Variants in VPS16 observed in about 807,000 individuals in gnomAD.
VPS16 encodes vacuolar protein sorting-associated protein 16 homolog.
A neutral mutation model predicts 116.0 loss-of-function variants in VPS16; 82 were observed. The observed-to-expected ratio is 0.71, with a 90% CI of 0.59 to 0.85. The LOEUF is 0.85. Among genes scored for constraint, VPS16 ranks in the 40% least tolerant of loss-of-function variants. The probability of loss-of-function intolerance (pLI) is 0.00; values close to 1 mark genes in which losing one functional copy is unlikely to be tolerated. For missense variants in VPS16, 928 were observed against 1,090.6 expected (o/e 0.85, Z 2.10); for synonymous variants, 406 against 420.7 (o/e 0.96, Z 0.43).
intron 22 of VPS16, 85 bp from the exon 23 acceptor site, chr20:2,866,127 G>A: frequency 1.7e-6 from 2 of 1,143,854 alleles, no homozygotes; most frequent in Non-Finnish European, 2.6e-6. Flanking sequence ...TATGGACGAT[G>A]TATGCATTGC....
chr20:2,854,956 A>G lies in VPS16; in HGVS notation c.54-4763A>G, dbSNP rs1200830035. Among the ~76,000 whole-genome samples, 3 of 100,224 alleles carry G rather than the reference A, an allele frequency of 3.0e-5. No homozygotes were observed. In the South Asian group the frequency reaches 1.1e-3, roughly 36 times the overall value. 65.8% of individuals were successfully genotyped at this position (100,224 alleles called of 152,430 possible). On this transcript the variant is annotated intron_variant, in intron 1 of 23. Transcript: ENST00000380445. ...GGGACCAGATACGTTGTCAATGAGC[A>G]GTAATTTTTTTTTTTTTTTTTTGAG...
chr20:2,865,559 G>A lies in VPS16; in HGVS notation c.2271+64G>A, dbSNP rs780994851. On this transcript the variant is annotated intron_variant, in intron 22 of 23. Coordinates refer to ENST00000380445, the MANE Select transcript of VPS16 (RefSeq NM_022575.4). This position sits in a 1 kb window ranked among gnomAD's most constrained non-coding sequence, Gnocchi z 5.2. Reference sequence around the variant, plus strand: ...GGTAGTCTTCGGGAGAGAGGGCTAGGCAGGGAGACAGATAGGATGGCCCGT... The same window carrying A: ...GGTAGTCTTCGGGAGAGAGGGCTAGACAGGGAGACAGATAGGATGGCCCGT... 1 of 1,480,696 alleles carries A rather than the reference G, an allele frequency of 6.8e-7. No homozygotes were observed. The allele number at this position is 1,480,696 out of a possible 1,614,324, so 91.7% of individuals were successfully genotyped here.
At chr20:2,845,432 C>T (rs1205212893) in intron 1 of VPS16, among the ~76,000 whole-genome samples, 1 of 151,916 alleles carries the variant, frequency 6.6e-6, no homozygotes. Flanking sequence ...ACATTATATA[C>T]TCCTGAAATT....
chr20:2,843,615 A>G (rs2089031300), intron 1 of VPS16, among the ~76,000 whole-genome samples: 1 of 152,176 alleles, frequency 6.6e-6, no homozygotes, highest in Admixed American at 6.5e-5. Flanking sequence ...TACAACATTC[A>G]CTTTTAAAAT....
chr20:2,862,752 G>A (rs199966117), intron 12 of VPS16, 42 bp downstream of exon 12: 7 of 1,611,104 alleles, frequency 4.3e-6, no homozygotes, highest in Non-Finnish European at 5.9e-6. Context: ...GGGCTGGGAG[G>A]GGGTGGGATG....
In VPS16 at chr20:2,863,561, G is replaced by A. The variant is rs1468672810; in HGVS notation, c.1476+163G>A. Among the ~76,000 whole-genome samples, 9 of 152,094 alleles carry A rather than the reference G, an allele frequency of 5.9e-5. No homozygotes were observed. Among genetic ancestry groups the A allele is most frequent in the Admixed American group, 2.0e-4 (3 of 15,274 alleles). On this transcript the variant is annotated intron_variant, in intron 15 of 23. Transcript: ENST00000380445. This position sits in a 1 kb window ranked among gnomAD's most constrained non-coding sequence, Gnocchi z 4.4. ...GCGAATCACCTGAGGTCAGGTATTC[G>A]AGACTAGCCTGGCTAACATGGTGAA...
At chr20:2,857,133 A>G (rs1320718636) in intron 1 of VPS16, among the ~76,000 whole-genome samples, 1 of 152,070 alleles carries the variant, frequency 6.6e-6, no homozygotes, top group Non-Finnish European at 1.5e-5. Context: ...ATGCGCCACC[A>G]TGCCCAGCTA....
At chr20:2,841,505 T>C (rs944564510) in intron 1 of VPS16, among the ~76,000 whole-genome samples, 1 of 152,206 alleles carries the variant, frequency 6.6e-6, no homozygotes, top group Admixed American at 6.6e-5. Flanking sequence ...CTGCGCAGAA[T>C]TACAAGGCCC....
At position 2,860,938 on chromosome 20, in the gene VPS16, T is replaced by C; in HGVS notation, c.631-32T>C. On this transcript the variant is annotated intron_variant, in intron 6 of 23. Transcript: ENST00000380445. This position sits in a 1 kb window ranked among gnomAD's most constrained non-coding sequence, Gnocchi z 6.1. ...GGAGGTTCTGAAAAGTCAGTATGTATCTGTCCCACCCCTACCCTGGCTCTG... is the reference window on the plus strand; with the variant it reads ...GGAGGTTCTGAAAAGTCAGTATGTACCTGTCCCACCCCTACCCTGGCTCTG... 1 of 1,614,032 alleles carries C rather than the reference T, an allele frequency of 6.2e-7. No homozygotes were observed. The highest frequency in any genetic ancestry group is 8.5e-7 in the Non-Finnish European group (1 of 1,180,016).
intron 1 of VPS16, among the ~76,000 whole-genome samples, chr20:2,852,991 T>C (rs1446621609): frequency 6.6e-6 from 1 of 152,184 alleles, no homozygotes; most frequent in African/African-American, 2.4e-5. Context: ...AAAATTGGAG[T>C]TAATCCTTTC....
rs2089304687 is a variant in VPS16 at position 2,864,956 on chromosome 20, G to C, written c.1927-22G>C. ...AGGGTCCTGCATGCTGTGAGTTCAG[G>C]CCTTCCTTCTTGTCTTTATAGCGTA... On this transcript the variant is annotated intron_variant, in intron 19 of 23. Coordinates refer to ENST00000380445, the MANE Select transcript of VPS16 (RefSeq NM_022575.4). This position sits in a 1 kb window ranked among gnomAD's most constrained non-coding sequence, Gnocchi z 5.2. The C allele has an allele frequency of 1.9e-6, 3 of 1,614,086 alleles. No individual in the cohort carries two copies. The East Asian group carries it at 6.7e-5, about 36-fold the overall frequency.
In VPS16 at chr20:2,862,884, G is replaced by T; in HGVS notation, c.1281G>T (p.Val427=). 6.2e-7 allele frequency: 1 copy of T among 1,614,110 alleles called. No homozygotes were observed. The highest frequency in any genetic ancestry group is 8.5e-7 in the Non-Finnish European group (1 of 1,180,012). ...SFVHMCQDLR[V]LNAVRDYHIG... The stretch of plus-strand genomic sequence containing the variant: ...TGCACATGTGTCAGGACCTGCGTGT[G>T]CTCAATGCTGTTCGGGACTATCACA... Residue 427 remains valine, a synonymous_variant, in exon 13 of 24, where the codon GTG becomes GTT. Transcript: ENST00000380445.
In VPS16 at chr20:2,862,935, G is replaced by C; in HGVS notation, c.1331+1G>C. On this transcript the variant is annotated splice_donor_variant, in intron 13 of 23. Transcript: ENST00000380445. LOFTEE classifies it high-confidence loss of function. ...TCGGGATCCCGCTCACCTATAGCCAGTATCCCTGTGCACGCCAGAAGGGTA... is the reference window on the plus strand; with the variant it reads ...TCGGGATCCCGCTCACCTATAGCCACTATCCCTGTGCACGCCAGAAGGGTA... The C allele has an allele frequency of 6.2e-7, 1 of 1,613,866 alleles. No homozygotes were observed. Among genetic ancestry groups the C allele is most frequent in the Non-Finnish European group, 8.5e-7 (1 of 1,179,842 alleles).
Position 2,863,218 on chromosome 20 carries a change from C to T in VPS16, c.1368-72C>T. 6.2e-7 allele frequency: 1 copy of T among 1,608,736 alleles called. No homozygotes were observed. Among genetic ancestry groups the T allele is most frequent in the Non-Finnish European group, 8.5e-7 (1 of 1,175,482 alleles). On this transcript the variant is annotated intron_variant, in intron 14 of 23. Transcript: ENST00000380445. The surrounding 1 kb of genome is among the most constrained non-coding windows in gnomAD (Gnocchi z 4.4). ...TCTAGGATGTGGGAGGCCTGATGTG[C>T]AGGCTGAGGCCACTCTGCTCCCTTT...
chr20:2,865,491 A>C lies in VPS16; in HGVS notation c.2267A>C (p.Tyr756Ser). Residue 756 changes from tyrosine to serine, a missense_variant, in exon 22 of 24, where the codon TAC (tyrosine) becomes TCC (serine). Physicochemically the swap from Tyr to Ser is moderately radical, Grantham distance 144. Coordinates refer to ENST00000380445, the MANE Select transcript of VPS16 (RefSeq NM_022575.4). This position sits in a 1 kb window ranked among gnomAD's most constrained non-coding sequence, Gnocchi z 5.2. ...FSKSKKSPIGYLPFVEICMKQ... is the reference protein window; with the variant it reads ...FSKSKKSPIGSLPFVEICMKQ... ...AAGAGCAAGAAATCACCCATTGGCTACCTGGTGAGGCAGGGTCCTCCCTCC... is the reference window on the plus strand; with the variant it reads ...AAGAGCAAGAAATCACCCATTGGCTCCCTGGTGAGGCAGGGTCCTCCCTCC... 3 of 1,613,608 alleles carry C rather than the reference A, an allele frequency of 1.9e-6. No homozygotes were observed. Among genetic ancestry groups the C allele is most frequent in the Non-Finnish European group, 2.5e-6 (3 of 1,179,772 alleles).
chr20:2,854,520 G>A (rs539069725), intron 1 of VPS16, among the ~76,000 whole-genome samples: 28 of 151,886 alleles, frequency 1.8e-4, no homozygotes, highest in African/African-American at 5.8e-4. Flanking sequence ...GAGGCCGGGC[G>A]TGGTGGCTCA....
chr20:2,851,667 A>C (rs1209784783), intron 1 of VPS16, among the ~76,000 whole-genome samples: 2 of 151,052 alleles, frequency 1.3e-5, no homozygotes, highest in African/African-American at 4.9e-5. Flanking sequence ...CGTCTCAAAA[A>C]AAAAAAACAA....
At position 2,864,331 on chromosome 20, in the gene VPS16, G is replaced by T; in HGVS notation, c.1721-34G>T. The T allele has an allele frequency of 6.2e-7, 1 of 1,614,062 alleles. No homozygotes were observed. Among genetic ancestry groups the T allele is most frequent in the African/African-American group, 1.3e-5 (1 of 75,006 alleles). On this transcript the variant is annotated intron_variant, in intron 17 of 23. Coordinates refer to ENST00000380445, the MANE Select transcript of VPS16 (RefSeq NM_022575.4). The surrounding 1 kb of genome is among the most constrained non-coding windows in gnomAD (Gnocchi z 5.2). ...GGCCCCTGGGCTAAGTGGGAGCCTG[G>T]CTGGAATTCCCACTCCACCTTACTC...
chr20:2,844,299 G>A (rs2089037598), intron 1 of VPS16, among the ~76,000 whole-genome samples: 1 of 152,210 alleles, frequency 6.6e-6, no homozygotes, highest in African/African-American at 2.4e-5. Context: ...GATAAAACAG[G>A]TGGCAGACAT....
Sources: gnomAD v4.1 joint callset for allele counts (sites outside exome capture counted in the v4.1 genomes callset) on GRCh38, gnomAD v4.1.1 for gene constraint, Gnocchi (gnomAD v3.1) non-coding constraint, MANE v1.5 for transcripts, NCBI Gene and HGNC (gene_info 2026-07-23, HGNC 2026-07-21) for gene names.